NOS1: variants seen among roughly 807,000 people sequenced by gnomAD.
NOS1 encodes the protein NOS type I.
A neutral mutation model predicts 164.5 loss-of-function variants in NOS1; 51 were observed. That is an observed-to-expected ratio of 0.31 (90% CI 0.25 to 0.39). The LOEUF is 0.39. NOS1 is among the 10% of genes least tolerant of loss of function. The probability of loss-of-function intolerance (pLI) is 1.00; values close to 1 mark genes in which losing one functional copy is unlikely to be tolerated. For synonymous variants in NOS1, 719 were observed against 745.8 expected, an observed-to-expected ratio of 0.96 and a Z score of 0.59; for missense variants, 1,362 against 1,885.6, an observed-to-expected ratio of 0.72 and a Z score of 5.14.
At chr12:117,313,835 A>G (rs1056484138) in intron 2 of NOS1, among the ~76,000 whole-genome samples, 1 of 152,144 alleles carries the variant, frequency 6.6e-6, no homozygotes, top group African/African-American at 2.4e-5. Context: ...TCCCCTATCC[A>G]ATTTGACTCT....
chr12:117,262,103 C>T (rs959568100), intron 13 of NOS1, among the ~76,000 whole-genome samples: 2 of 152,154 alleles, frequency 1.3e-5, no homozygotes, highest in East Asian at 3.8e-4. Flanking sequence ...AGGGAAACCG[C>T]CCACGATGCA....
intron 2 of NOS1, among the ~76,000 whole-genome samples, chr12:117,319,719 CTG>C (rs1347215053): frequency 6.6e-6 from 1 of 152,180 alleles, no homozygotes; most frequent in Non-Finnish European, 1.5e-5. Context: ...CATGGGAAAA[CTG>C]TGTGTGGTCC....
chr12:117,208,467 C>G lies in NOS1; in HGVS notation c.*6842G>C. 7.9e-7 allele frequency: 1 copy of G among 1,272,988 alleles called. No homozygotes were observed. Among genetic ancestry groups the G allele is most frequent in the Non-Finnish European group, 1.0e-6 (1 of 978,966 alleles). 78.9% of individuals were successfully genotyped at this position (1,272,988 alleles called of 1,614,324 possible). On this transcript the variant is annotated 3_prime_UTR_variant, in exon 29 of 29. Coordinates refer to ENST00000317775, the MANE Select transcript of NOS1 (RefSeq NM_000620.5). ...GCCCACCTCCCCAGCTTCCCAAGCC[C>G]GGAACGGACACTGCGACGTGGGGTG...
At chr12:117,328,590 G>A (rs968383955) in intron 2 of NOS1, among the ~76,000 whole-genome samples, 6 of 150,472 alleles carry the variant, frequency 4.0e-5, no homozygotes, top group Non-Finnish European at 3.0e-5. Context: ...ACGCAGTCTT[G>A]CTCTCGCTCT....
intron 9 of NOS1, among the ~76,000 whole-genome samples, chr12:117,276,460 T>C (rs1395219142): frequency 6.6e-6 from 1 of 152,178 alleles, no homozygotes; most frequent in African/African-American, 2.4e-5. Flanking sequence ...TTTTTGTATT[T>C]TTAGTAGAGA....
chr12:117,217,578 G>A (rs1031860186), intron 28 of NOS1, among the ~76,000 whole-genome samples: 2 of 152,040 alleles, frequency 1.3e-5, no homozygotes, highest in South Asian at 4.1e-4. Flanking sequence ...GGTGGTGCAC[G>A]CCTGTAGTCC....
At position 117,214,482 on chromosome 12, in the gene NOS1, G is replaced by C. The variant is rs1407340266; in HGVS notation, c.*827C>G. On this transcript the variant is annotated 3_prime_UTR_variant, in exon 29 of 29. Transcript: ENST00000317775. ...GATTCTAGCTGGTATGGGTGGGTTT[G>C]GGGAGGGGATTTGCACAATCCATTG... 1.0e-6 allele frequency: 1 copy of C among 985,192 alleles called. No individual in the cohort carries two copies. The highest frequency in any genetic ancestry group is 1.7e-5 in the African/African-American group (1 of 57,194). The allele number at this position is 985,192 out of a possible 1,614,324, so 61.0% of individuals were successfully genotyped here.
chr12:117,243,544 T>TACAA lies in NOS1; in HGVS notation c.2824-110_2824-109insTTGT, dbSNP rs1555250829. On this transcript the variant is annotated intron_variant, in intron 18 of 28. Coordinates refer to ENST00000317775, the MANE Select transcript of NOS1 (RefSeq NM_000620.5). The surrounding 1 kb of genome is among the most constrained non-coding windows in gnomAD (Gnocchi z 4.3). ...CTTCATTCACCCATCCATCCATCTA[T>TACAA]CCAACCATCCATCCATCCATCCATC... The TACAA allele has an allele frequency of 8.5e-6, 8 of 945,356 alleles. No individual in the cohort carries two copies. In the East Asian group the frequency reaches 1.3e-4, roughly 16 times the overall value. The allele number at this position is 945,356 out of a possible 1,614,324, so 58.6% of individuals were successfully genotyped here.
intron 8 of NOS1, 136 bp from the exon 9 acceptor site, chr12:117,278,234 G>T: frequency 1.0e-6 from 1 of 969,302 alleles, no homozygotes; most frequent in Non-Finnish European, 1.4e-6. Context: ...GAGGCTCTTG[G>T]ACCACATCAC....
At chr12:117,335,298 A>G (rs1875754027) in intron 1 of NOS1, among the ~76,000 whole-genome samples, 1 of 152,150 alleles carries the variant, frequency 6.6e-6, no homozygotes. Context: ...GGCACCGTCT[A>G]GGGAGAGACG....
chr12:117,325,670 T>A (rs1875209599), intron 2 of NOS1, among the ~76,000 whole-genome samples: 3 of 152,174 alleles, frequency 2.0e-5, no homozygotes, highest in South Asian at 4.1e-4. Flanking sequence ...CTGGGTAAAT[T>A]AAGGAAAAAT....
intron 1 of NOS1, among the ~76,000 whole-genome samples, chr12:117,348,972 A>T (rs1197535679): frequency 6.6e-6 from 1 of 152,230 alleles, no homozygotes; most frequent in Non-Finnish European, 1.5e-5. Flanking sequence ...TGATAATTAG[A>T]TTATGGTTAT....
intron 28 of NOS1, among the ~76,000 whole-genome samples, chr12:117,215,805 A>AGAAT (rs1298445208): frequency 1.6e-4 from 24 of 151,928 alleles, no homozygotes; most frequent in South Asian, 4.2e-4. Flanking sequence ...TTGTTTTGAA[A>AGAAT]GAATGAATGA....
chr12:117,344,398 A>G (rs530861783), intron 1 of NOS1, among the ~76,000 whole-genome samples: 8 of 152,330 alleles, frequency 5.3e-5, no homozygotes, highest in African/African-American at 1.9e-4. Flanking sequence ...GTACAGTTCA[A>G]CTTAATATTT....
At chr12:117,253,876 A>C in intron 16 of NOS1, 122 bp from the exon 17 acceptor site, 1 of 684,946 alleles carries the variant, frequency 1.5e-6, no homozygotes, top group Non-Finnish European at 2.6e-6. Context: ...TGTTGAGTCA[A>C]ACCATAACAC....
chr12:117,253,838 A>G (rs1871261658), intron 16 of NOS1, 84 bp from the exon 17 acceptor site: 1 of 878,114 alleles, frequency 1.1e-6, no homozygotes, highest in Non-Finnish European at 1.9e-6. Context: ...TCAAGTGACC[A>G]GTCCTGATTC....
intron 2 of NOS1, among the ~76,000 whole-genome samples, chr12:117,325,572 C>T (rs912280239): frequency 1.3e-5 from 2 of 152,160 alleles, no homozygotes; most frequent in African/African-American, 4.8e-5. Context: ...ATATAAAAGG[C>T]AAGCTTATAT....
chr12:117,301,833 G>T (rs1200653138), intron 3 of NOS1, among the ~76,000 whole-genome samples: 4 of 152,210 alleles, frequency 2.6e-5, no homozygotes, highest in African/African-American at 9.7e-5. Flanking sequence ...TTGGCCACAA[G>T]GGTTTCATCT....
At chr12:117,242,547 G>A in intron 20 of NOS1, 80 bp downstream of exon 20, 1 of 1,128,916 alleles carries the variant, frequency 8.9e-7, no homozygotes, top group Non-Finnish European at 1.4e-6. Context: ...CCAGTCCTTG[G>A]AGTCCACAGG....
Sources: gnomAD v4.1 joint callset for allele counts (sites outside exome capture counted in the v4.1 genomes callset) on GRCh38, gnomAD v4.1.1 for gene constraint, Gnocchi (gnomAD v3.1) non-coding constraint, MANE v1.5 for transcripts, NCBI Gene and HGNC (gene_info 2026-07-23, HGNC 2026-07-21) for gene names.